URB1: variants seen among roughly 807,000 people sequenced by gnomAD.
URB1 encodes the protein nucleolar pre-ribosomal-associated protein 1.
Under a neutral mutation model 242.3 loss-of-function variants are expected in URB1, and 197 were observed. That is an observed-to-expected ratio of 0.81 (90% CI 0.72 to 0.91). The LOEUF (loss-of-function observed/expected upper bound fraction) is 0.91, where lower values mean the gene tolerates loss of function less well. URB1 is among the 40% of genes least tolerant of loss of function. URB1 has a pLI of 0.00. For synonymous variants in URB1, 1,153 were observed against 1,201.8 expected (o/e 0.96, Z 0.84); for missense variants, 2,721 against 2,860.5 (o/e 0.95, Z 1.11).
In URB1 at chr21:32,341,359, G is replaced by T. The variant is rs1311045074; in HGVS notation, c.4316+107C>A. On this transcript the variant is annotated intron_variant, in intron 25 of 38. Transcript: ENST00000382751. ...TATCTCTAAAAACGAGGTGACATCG[G>T]CTCCACCACGTGGATTATGCTAATA... 47 of 1,116,450 alleles carry T rather than the reference G, an allele frequency of 4.2e-5. 1 individual carries two copies. In the Middle Eastern group the frequency reaches 9.9e-4, roughly 24 times the overall value. 69.2% of individuals were successfully genotyped at this position (1,116,450 alleles called of 1,614,324 possible). A position where few individuals can be genotyped will look rare whatever the true frequency, so the allele number is the denominator to read the frequency against.
intron 23 of URB1, 135 bp downstream of exon 23, chr21:32,345,239 A>G: frequency 2.1e-6 from 2 of 969,920 alleles, no homozygotes; most frequent in East Asian, 2.7e-5. Flanking sequence ...CTGGAAGTAG[A>G]GTTCTCATAG....
intron 2 of URB1, among the ~76,000 whole-genome samples, chr21:32,384,848 G>A (rs777308445): frequency 2.5e-4 from 38 of 152,218 alleles, no homozygotes; most frequent in Non-Finnish European, 4.4e-4. Flanking sequence ...AGGCGTGGTG[G>A]CGGGCGCCTG....
At chr21:32,373,370 C>A (rs1314746304) in intron 7 of URB1, among the ~76,000 whole-genome samples, 1 of 151,880 alleles carries the variant, frequency 6.6e-6, no homozygotes, top group Non-Finnish European at 1.5e-5. Flanking sequence ...GCAGGTCTAA[C>A]AGGCAAGTGC....
At chr21:32,384,168 G>A (rs79098556) in intron 3 of URB1, 145 bp downstream of exon 3, 5 of 1,020,976 alleles carry the variant, frequency 4.9e-6, no homozygotes, top group Non-Finnish European at 5.6e-6. Flanking sequence ...ACAAAGGAAG[G>A]GGGCAGAGAC....
At chr21:32,367,694 T>C (rs2033361711) in intron 9 of URB1, among the ~76,000 whole-genome samples, 1 of 152,228 alleles carries the variant, frequency 6.6e-6, no homozygotes, top group African/African-American at 2.4e-5. Flanking sequence ...ACAGCTTATT[T>C]CAAGTTGTTC....
At chr21:32,377,369 G>A (rs1328437385) in intron 5 of URB1, 2 of 497,886 alleles carry the variant, frequency 4.0e-6, no homozygotes, top group Non-Finnish European at 7.8e-6. Context: ...CTTCCCAGCA[G>A]AAACATTAAA....
chr21:32,316,355 A>G (rs2032685053), intron 38 of URB1, 111 bp downstream of exon 38: 1 of 1,417,222 alleles, frequency 7.1e-7, no homozygotes. Flanking sequence ...CACAATACCC[A>G]GCTGAGGAAG....
intron 1 of URB1, 74 bp from the exon 2 acceptor site, chr21:32,385,758 T>C: frequency 1.3e-6 from 2 of 1,523,890 alleles, no homozygotes; most frequent in Non-Finnish European, 1.8e-6. Flanking sequence ...CACTGCAACC[T>C]GCTTTCCCTA....
intron 28 of URB1, among the ~76,000 whole-genome samples, chr21:32,334,876 T>C (rs891855636): frequency 2.6e-5 from 4 of 152,160 alleles, no homozygotes; most frequent in African/African-American, 9.7e-5. Flanking sequence ...AAGCCCACCA[T>C]GTGTGTGCTA....
intron 3 of URB1, among the ~76,000 whole-genome samples, 154 bp downstream of exon 3, chr21:32,384,159 C>T (rs2033556508): frequency 6.6e-6 from 1 of 152,170 alleles, no homozygotes; most frequent in African/African-American, 2.4e-5. Context: ...GGCTGGTCCA[C>T]AAAGGAAGGG....
Position 32,348,554 on chromosome 21 carries a change from C to T in URB1, c.3013-743G>A, listed in dbSNP as rs73903306. 2.1e-3 allele frequency among the ~76,000 whole-genome samples: 317 copies of T among 152,200 alleles called. 2 individuals carry two copies. The highest frequency in any genetic ancestry group is 7.3e-3 in the African/African-American group (302 of 41,516). ...GTCATTCCTCACAGCCCTGCTGAAC[C>T]GATTCCTCGCCAACGACACTCCACC... is the stretch of plus-strand genomic sequence containing the variant. On this transcript the variant is annotated intron_variant, in intron 21 of 38. Transcript: ENST00000382751.
At chr21:32,380,067 T>C (rs887675062) in intron 4 of URB1, among the ~76,000 whole-genome samples, 4 of 152,228 alleles carry the variant, frequency 2.6e-5, no homozygotes, top group African/African-American at 9.6e-5. Context: ...ATACGACTTA[T>C]GTTCAACTAC....
rs371802978 is a variant in URB1 at position 32,346,968 on chromosome 21, G to A, written c.3856C>T (p.Arg1286Cys). ...GCCTTTCCCTTACCTCCTGCTGGGC[G>A]TGTGAAGTGGCTCCGTGTCCTGCAC... ...LQCRTRSHFTRPAGVSSAVIP... is the reference protein window; with the variant it reads ...LQCRTRSHFTCPAGVSSAVIP... Residue 1286 changes from arginine to cysteine, a missense_variant, in exon 22 of 39, where the codon CGC becomes TGC. Coordinates refer to ENST00000382751, the MANE Select transcript of URB1 (RefSeq NM_014825.3). The A allele has an allele frequency of 2.8e-5, 42 of 1,514,714 alleles. No individual in the cohort carries two copies. In the African/African-American group the frequency reaches 4.6e-4, roughly 16 times the overall value. The allele number at this position is 1,514,714 out of a possible 1,614,324, so 93.8% of individuals were successfully genotyped here. A position where few individuals can be genotyped will look rare whatever the true frequency, so the allele number is the denominator to read the frequency against.
chr21:32,367,486 G>A (rs1186164207), intron 9 of URB1, among the ~76,000 whole-genome samples: 1 of 152,204 alleles, frequency 6.6e-6, no homozygotes, highest in African/African-American at 2.4e-5. Context: ...ATAATGCCAG[G>A]CCCAGGTAGA....
At position 32,388,048 on chromosome 21, in the gene URB1, C is replaced by T. The variant is rs555087109; in HGVS notation, c.143-2364G>A. Among the ~76,000 whole-genome samples the T allele has an allele frequency of 9.8e-5, 15 of 152,322 alleles. No individual in the cohort carries two copies. The East Asian group carries it at 2.7e-3, about 27-fold the overall frequency. On this transcript the variant is annotated intron_variant, in intron 1 of 38. Coordinates refer to ENST00000382751, the MANE Select transcript of URB1 (RefSeq NM_014825.3). ...TGCTTCCTCTTGGACAGCAATTCTG[C>T]GTGTCTCAGATTCAAGTCCTGACGC...
chr21:32,363,140 CCAG>C lies in URB1; in HGVS notation c.1509+13_1509+15del. On this transcript the variant is annotated intron_variant, in intron 11 of 38. Transcript: ENST00000382751. ...TGAGGTCTGGAAGGAAAGCCCAAAC[CCAG>C]ATCAGAGCCTACCTTGCTCAGGGCT... is the stretch of plus-strand genomic sequence containing the variant. 6.5e-7 allele frequency: 1 copy of C among 1,547,972 alleles called. No homozygotes were observed. The highest frequency in any genetic ancestry group is 8.7e-7 in the Non-Finnish European group (1 of 1,145,284).
Position 32,354,109 on chromosome 21 carries a change from A to G in URB1, c.2246-6T>C, listed in dbSNP as rs1370446750. The stretch of plus-strand genomic sequence containing the variant: ...ATCCACCATGTCGAGAACATCTGAG[A>G]CAGAAAGAGGAGAATCCAGCTGATG... On this transcript the variant is annotated splice_polypyrimidine_tract_variant and splice_region_variant and intron_variant, in intron 17 of 38. Transcript: ENST00000382751. 2.6e-6 allele frequency: 4 copies of G among 1,551,506 alleles called. No homozygotes were observed. Among genetic ancestry groups the G allele is most frequent in the Admixed American group, 2.0e-5 (1 of 50,972 alleles).
chr21:32,392,769 C>A lies in URB1; in HGVS notation c.142G>T (p.Gly48Cys). The change falls in exon 1 of 39, where the codon GGC becomes TGC. Residue 48 changes from glycine to cysteine, a missense_variant and splice_region_variant. Gly to Cys is a radical substitution (Grantham distance 159, BLOSUM62 -3). Transcript: ENST00000382751. ...QLKDPQGPGP[G>C]LEAFVSAAKK... ...CCTGCGCCTGCCGCCCCGGACTCAC[C>A]TGGCCCGGGGCCCTGCGGGTCCTTC... 1 of 1,472,224 alleles carries A rather than the reference C, an allele frequency of 6.8e-7. No homozygotes were observed. The highest frequency in any genetic ancestry group is 9.0e-7 in the Non-Finnish European group (1 of 1,110,424). The allele number at this position is 1,472,224 out of a possible 1,614,324, so 91.2% of individuals were successfully genotyped here.
chr21:32,345,563 A>G lies in URB1; in HGVS notation c.3881T>C (p.Val1294Ala). The G allele has an allele frequency of 6.5e-7, 1 of 1,541,602 alleles. No homozygotes were observed. The highest frequency in any genetic ancestry group is 1.7e-4 in the Middle Eastern group (1 of 5,880). The change falls in exon 23 of 39, where the codon GTC becomes GCC. Residue 1294 changes from valine to alanine, a missense_variant. Coordinates refer to ENST00000382751, the MANE Select transcript of URB1 (RefSeq NM_014825.3). ...CAGGGTCTTCCTCAAGACAGGAATG[A>G]CAGCGGAAGACACTAGGGCAGAGAT... is the stretch of plus-strand genomic sequence containing the variant. ...FTRPAGVSSA[V>A]IPVLRKTLWR...
Sources: allele counts gnomAD v4.1 joint callset (sites outside exome capture counted in the v4.1 genomes callset), GRCh38; gene constraint gnomAD v4.1.1; transcripts MANE v1.5; gene names NCBI Gene and HGNC (gene_info 2026-07-23, HGNC 2026-07-21).